AARS1: variants seen among roughly 807,000 people sequenced by gnomAD.
AARS1 encodes the protein alanine--tRNA ligase, cytoplasmic.
A neutral mutation model predicts 108.9 loss-of-function variants in AARS1; 72 were observed. The ratio of observed to expected loss-of-function variants is 0.66; its 90% confidence interval spans 0.55 to 0.80. The LOEUF (loss-of-function observed/expected upper bound fraction) is 0.80, where lower values mean the gene tolerates loss of function less well. Ranked by LOEUF, AARS1 falls within the 30% of genes least tolerant of loss-of-function variation. The probability of loss-of-function intolerance (pLI) is 0.00; values close to 1 mark genes in which losing one functional copy is unlikely to be tolerated. For synonymous variants in AARS1, 489 were observed against 465.7 expected, an observed-to-expected ratio of 1.05 and a Z score of -0.64; for missense variants, 1,193 against 1,233.2, an observed-to-expected ratio of 0.97 and a Z score of 0.49.
At chr16:70,286,575 C>T (rs1463313420) in intron 1 of AARS1, among the ~76,000 whole-genome samples, 2 of 152,126 alleles carry the variant, frequency 1.3e-5, no homozygotes, top group Admixed American at 6.6e-5. Flanking sequence ...GGGTGGCTCA[C>T]GCCTATAATC....
chr16:70,289,096 T>TA (rs1960956919), intron 1 of AARS1, among the ~76,000 whole-genome samples: 1 of 152,100 alleles, frequency 6.6e-6, no homozygotes, highest in South Asian at 2.1e-4. Flanking sequence ...ATGGCTGGCT[T>TA]ACAGCAGGAT....
chr16:70,258,948 G>A (rs773357160), intron 14 of AARS1, 32 bp downstream of exon 14: 2 of 1,596,754 alleles, frequency 1.3e-6, no homozygotes, highest in Non-Finnish European at 8.6e-7. Flanking sequence ...ACGGTGTGGG[G>A]AGGGGGGGCA....
intron 12 of AARS1, 149 bp downstream of exon 12, chr16:70,262,197 A>G (rs1310160027): frequency 4.1e-6 from 4 of 978,558 alleles, no homozygotes; most frequent in African/African-American, 3.2e-5. Flanking sequence ...GGTACAAGCA[A>G]CAGCTCCCTC....
rs756337884 is a variant in AARS1, at chr16:70,265,141, A to T, written c.1348-39T>A. Reference sequence around the variant, plus strand: ...AAACAAGCATAAGTTACCGTAAAGTAGGAGAAAAGGGACTCCAAAGGACTG... The same window carrying T: ...AAACAAGCATAAGTTACCGTAAAGTTGGAGAAAAGGGACTCCAAAGGACTG... On this transcript the variant is annotated intron_variant, in intron 10 of 20. Coordinates refer to ENST00000261772, the MANE Select transcript of AARS1 (RefSeq NM_001605.3). 2.5e-6 allele frequency: 4 copies of T among 1,612,508 alleles called. No homozygotes were observed. In the African/African-American group the frequency reaches 5.3e-5, roughly 22 times the overall value.
Position 70,253,021 on chromosome 16 carries a change from T to TG in AARS1, c.2722-116dup. 3 of 1,227,590 alleles carry TG rather than the reference T, an allele frequency of 2.4e-6. No individual in the cohort carries two copies. The South Asian group carries it at 3.7e-5, about 15-fold the overall frequency. 76.0% of individuals were successfully genotyped at this position (1,227,590 alleles called of 1,614,324 possible). On this transcript the variant is annotated intron_variant, in intron 20 of 20. Coordinates refer to ENST00000261772, the MANE Select transcript of AARS1 (RefSeq NM_001605.3). ...CACTCCTTGCCCTGGGTGATACTGC[T>TG]GGAGGCCGAGACAGACTTTACGGCT...
At chr16:70,273,569 T>C (rs910425022) in intron 4 of AARS1, among the ~76,000 whole-genome samples, 6 of 151,796 alleles carry the variant, frequency 4.0e-5, no homozygotes, top group African/African-American at 1.5e-4. Context: ...AATACAAAAA[T>C]TAGCCAGACA....
At chr16:70,289,069 T>A (rs1960955202) in intron 1 of AARS1, among the ~76,000 whole-genome samples, 1 of 152,090 alleles carries the variant, frequency 6.6e-6, no homozygotes, top group African/African-American at 2.4e-5. Context: ...GTTTAGTTAA[T>A]TTTAAGAAAT....
chr16:70,254,581 C>T (rs768044597), intron 17 of AARS1, 40 bp downstream of exon 17: 5 of 1,371,102 alleles, frequency 3.6e-6, no homozygotes, highest in South Asian at 3.5e-5. Flanking sequence ...ATGTTTCATG[C>T]ACCAGGCCCT....
At chr16:70,288,945 T>C (rs1281761882) in intron 1 of AARS1, among the ~76,000 whole-genome samples, 1 of 152,064 alleles carries the variant, frequency 6.6e-6, no homozygotes, top group Non-Finnish European at 1.5e-5. Flanking sequence ...ATACTAATCC[T>C]TTAACACCAA....
chr16:70,268,862 G>T lies in AARS1; in HGVS notation c.963-483C>A, dbSNP rs574406283. 7.9e-5 allele frequency among the ~76,000 whole-genome samples: 12 copies of T among 152,354 alleles called. No homozygotes were observed. The East Asian group carries it at 2.3e-3, about 29-fold the overall frequency. On this transcript the variant is annotated intron_variant, in intron 7 of 20. Transcript: ENST00000261772. ...TTCATCCCTTAAAAAAGGGGTGGGG[G>T]ATTCTTCCACCTGCCCAAGACAAGG...
chr16:70,286,819 C>A (rs1053222232), intron 1 of AARS1, among the ~76,000 whole-genome samples: 1 of 143,990 alleles, frequency 6.9e-6, no homozygotes, highest in Non-Finnish European at 1.5e-5. Context: ...CCAGCCTGGG[C>A]AACAGAAAAT....
chr16:70,269,855 A>G (rs964116732), intron 6 of AARS1, 92 bp from the exon 7 acceptor site: 1 of 1,525,346 alleles, frequency 6.6e-7, no homozygotes, highest in Admixed American at 1.7e-5. Context: ...GAGGAGCATT[A>G]GCAGAAAGGA....
At chr16:70,273,223 A>C (rs1960452930) in intron 4 of AARS1, among the ~76,000 whole-genome samples, 1 of 152,144 alleles carries the variant, frequency 6.6e-6, no homozygotes, top group African/African-American at 2.4e-5. Flanking sequence ...AAAGGATGAA[A>C]GAATTAAGTA....
chr16:70,253,179 G>T, intron 20 of AARS1, 89 bp downstream of exon 20: 1 of 1,150,986 alleles, frequency 8.7e-7, no homozygotes. Flanking sequence ...TGGGCAGAAA[G>T]GCTGTTTCGA....
Position 70,271,899 on chromosome 16 carries a change from C to T in AARS1, c.553G>A (p.Gly185Ser), listed in dbSNP as rs779852153. The T allele has an allele frequency of 1.2e-6, 2 of 1,614,136 alleles. No individual in the cohort carries two copies. The highest frequency in any genetic ancestry group is 1.1e-5 in the South Asian group (1 of 91,084). The stretch of plus-strand genomic sequence containing the variant: ...TCGTAGTGGATCTCACTGCAAGGAC[C>T]ACAGGGGCCCGTGTCACCCATCTCC... The part of the protein sequence containing the change: ...FWEMGDTGPC[G>S]PCSEIHYDRI... Residue 185 changes from glycine to serine, a missense_variant, in exon 5 of 21, where the codon GGT becomes AGT. Gly to Ser is a moderately conservative substitution (Grantham distance 56, BLOSUM62 0). Coordinates refer to ENST00000261772, the MANE Select transcript of AARS1 (RefSeq NM_001605.3).
chr16:70,281,874 G>A (rs1037686158), intron 2 of AARS1, among the ~76,000 whole-genome samples: 4 of 150,964 alleles, frequency 2.6e-5, no homozygotes, highest in Non-Finnish European at 4.4e-5. Flanking sequence ...ATAGCTGGCC[G>A]GGCGTGGTGG....
At position 70,282,721 on chromosome 16, in the gene AARS1, T is replaced by C. The variant is rs1960733458; in HGVS notation, c.43A>G (p.Ile15Val). The C allele has an allele frequency of 1.2e-6, 2 of 1,614,130 alleles. No homozygotes were observed. Among genetic ancestry groups the C allele is most frequent in the African/African-American group, 1.3e-5 (1 of 75,022 alleles). Reference protein sequence around the residue: ...LTASEIRQRFIDFFKRNEHTY... With the variant: ...LTASEIRQRFVDFFKRNEHTY... ...TGCTCGTTCCTCTTGAAGAAATCTA[T>C]AAATCGCTGCCGGATTTCACTTGCT... The change falls in exon 2 of 21, where the codon ATA (isoleucine) becomes GTA (valine). Residue 15 changes from isoleucine to valine, a missense_variant. Ile to Val is a conservative substitution (Grantham distance 29). Coordinates refer to ENST00000261772, the MANE Select transcript of AARS1 (RefSeq NM_001605.3).
chr16:70,270,361 G>C (rs1038028524), intron 5 of AARS1, 21 bp from the exon 6 acceptor site: 1 of 1,614,126 alleles, frequency 6.2e-7, no homozygotes, highest in Admixed American at 1.7e-5. Context: ...CAGAAGAAGA[G>C]GAGGTTGAAG....
intron 17 of AARS1, 101 bp downstream of exon 17, chr16:70,254,520 C>T (rs763150701): frequency 1.6e-4 from 137 of 863,254 alleles, no homozygotes; most frequent in South Asian, 8.0e-4. Context: ...AGGCCCATTC[C>T]ACCAAGAACC....
Sources: gnomAD v4.1 joint callset for allele counts (sites outside exome capture counted in the v4.1 genomes callset) on GRCh38, gnomAD v4.1.1 for gene constraint, MANE v1.5 for transcripts, NCBI Gene and HGNC (gene_info 2026-07-23, HGNC 2026-07-21) for gene names.